Variants in PIEZO2 observed in about 807,000 individuals in gnomAD.
PIEZO2 encodes piezo-type mechanosensitive ion channel component 2.
A neutral mutation model predicts 337.3 loss-of-function variants in PIEZO2; 172 were observed. The ratio of observed to expected loss-of-function variants is 0.51; its 90% CI spans 0.45 to 0.58. The LOEUF is 0.58. PIEZO2 is among the 20% of genes least tolerant of loss of function. The pLI is 0.00. For missense variants in PIEZO2, 3,028 were observed against 3,391.3 expected, an observed-to-expected ratio of 0.89 and a Z score of 2.66; for synonymous variants, 1,251 against 1,228.5, an observed-to-expected ratio of 1.02 and a Z score of -0.38.
In PIEZO2 at chr18:10,877,622, G is replaced by A. The variant is rs927317323; in HGVS notation, c.330-6207C>T. Among the ~76,000 whole-genome samples, 4 of 152,068 alleles carry A rather than the reference G, an allele frequency of 2.6e-5. No homozygotes were observed. Among genetic ancestry groups the A allele is most frequent in the East Asian group, 3.9e-4 (2 of 5,184 alleles). On this transcript the variant is annotated intron_variant, in intron 4 of 55. Transcript: ENST00000674853. The surrounding 1 kb of genome is among the most constrained non-coding windows in gnomAD (Gnocchi z 5.3). ...ACTGGAGGAGATTCTGACTTCTAAC[G>A]TCTCCTTTCCCAGCCCTCCCCTTTA...
At position 10,677,843 on chromosome 18, in the gene PIEZO2, G is replaced by A. The variant is rs1347729976; in HGVS notation, c.7985C>T (p.Ala2662Val). The A allele has an allele frequency of 1.2e-6, 2 of 1,600,920 alleles. No homozygotes were observed. Among genetic ancestry groups the A allele is most frequent in the Non-Finnish European group, 1.7e-6 (2 of 1,176,916 alleles). Residue 2662 changes from alanine to valine, a missense_variant, in exon 53 of 56, where the codon GCA (alanine) becomes GTA (valine). Physicochemically the swap from Ala to Val is moderately conservative, Grantham distance 64 (BLOSUM62 0). Coordinates refer to ENST00000674853, the MANE Select transcript of PIEZO2 (RefSeq NM_001378183.1). This position sits in a 1 kb window ranked among gnomAD's most constrained non-coding sequence, Gnocchi z 4.1. ...AAGAGGAAAAGAAAGCTTATCTGTT[G>A]CTATTTCCGATTTTGCACCCAGACT... is the stretch of plus-strand genomic sequence containing the variant. ...NLSLGAKSEI[A>V]TDKLSFPLKN...
At chr18:10,921,527 A>G (rs942188207) in intron 3 of PIEZO2, among the ~76,000 whole-genome samples, 2 of 152,052 alleles carry the variant, frequency 1.3e-5, no homozygotes, top group African/African-American at 4.8e-5. Flanking sequence ...TCTTAATCCC[A>G]TCAGCTGAGG....
intron 47 of PIEZO2, among the ~76,000 whole-genome samples, chr18:10,693,356 TTG>T (rs1174582024): frequency 1.7e-3 from 157 of 89,852 alleles, no homozygotes; most frequent in Middle Eastern, 5.6e-3. Context: ...AATCTGGATT[TTG>T]TGTGTGTGTG....
chr18:10,745,155 G>A (rs1295692411), intron 30 of PIEZO2, among the ~76,000 whole-genome samples: 2 of 152,120 alleles, frequency 1.3e-5, no homozygotes, highest in South Asian at 2.1e-4. Context: ...TCCCACAGGC[G>A]TCTTGCCCTG....
At chr18:11,053,356 T>C (rs1427497118) in intron 2 of PIEZO2, among the ~76,000 whole-genome samples, 1 of 152,240 alleles carries the variant, frequency 6.6e-6, no homozygotes, top group Non-Finnish European at 1.5e-5. Flanking sequence ...TAGTAAAGAC[T>C]GGCTATAGTC....
In PIEZO2 at chr18:10,781,552, T is replaced by G. The variant is rs955310560; in HGVS notation, c.2493-1186A>C. Among the ~76,000 whole-genome samples, 1 of 152,000 alleles carries G rather than the reference T, an allele frequency of 6.6e-6. No individual in the cohort carries two copies. Among genetic ancestry groups the G allele is most frequent in the Non-Finnish European group, 1.5e-5 (1 of 68,020 alleles). ...ATTATATATTATATAATAAACAATGTTATACGTTATAATTCTTATAATATG... is the reference window on the plus strand; with the variant it reads ...ATTATATATTATATAATAAACAATGGTATACGTTATAATTCTTATAATATG... On this transcript the variant is annotated intron_variant, in intron 17 of 55. Transcript: ENST00000674853. The surrounding 1 kb of genome is among the most constrained non-coding windows in gnomAD (Gnocchi z 4.1).
In PIEZO2 at chr18:10,834,271, C is replaced by T. The variant is rs2040937645; in HGVS notation, c.917+21082G>A. Among the ~76,000 whole-genome samples the T allele has an allele frequency of 1.3e-5, 2 of 152,162 alleles. No individual in the cohort carries two copies. Among genetic ancestry groups the T allele is most frequent in the East Asian group, 1.9e-4 (1 of 5,188 alleles). Reference sequence around the variant, plus strand: ...GATTTGAATTCAAACTCTGGCTTTGCCATCTCTATCCTGTGACTTGGAGCA... The same window carrying T: ...GATTTGAATTCAAACTCTGGCTTTGTCATCTCTATCCTGTGACTTGGAGCA... On this transcript the variant is annotated intron_variant, in intron 7 of 55. Coordinates refer to ENST00000674853, the MANE Select transcript of PIEZO2 (RefSeq NM_001378183.1). The surrounding 1 kb of genome is among the most constrained non-coding windows in gnomAD (Gnocchi z 4.5).
rs1220283226 is a variant in PIEZO2 at position 10,952,796 on chromosome 18, C to T, written c.286+26739G>A. Among the ~76,000 whole-genome samples, 2 of 152,074 alleles carry T rather than the reference C, an allele frequency of 1.3e-5. No individual in the cohort carries two copies. The highest frequency in any genetic ancestry group is 6.6e-5 in the Admixed American group (1 of 15,262). ...CAAAGTGTCTATATAATTGTACATT[C>T]CCGCCAGAAATGTATTTGAATTCCA... On this transcript the variant is annotated intron_variant, in intron 3 of 55. Coordinates refer to ENST00000674853, the MANE Select transcript of PIEZO2 (RefSeq NM_001378183.1). This position sits in a 1 kb window ranked among gnomAD's most constrained non-coding sequence, Gnocchi z 4.1.
intron 3 of PIEZO2, among the ~76,000 whole-genome samples, chr18:10,933,815 C>T (rs2032224086): frequency 6.6e-6 from 1 of 152,194 alleles, no homozygotes; most frequent in Non-Finnish European, 1.5e-5. Flanking sequence ...TTCTCCCAAA[C>T]TGTTCTCATG....
chr18:10,817,232 C>T (rs2040389735), intron 7 of PIEZO2, among the ~76,000 whole-genome samples: 1 of 151,986 alleles, frequency 6.6e-6, no homozygotes, highest in Non-Finnish European at 1.5e-5. Context: ...TGAGAGTTCC[C>T]TTATAAAAAA....
At chr18:10,963,818 A>G (rs111261323) in intron 3 of PIEZO2, among the ~76,000 whole-genome samples, 44 of 152,336 alleles carry the variant, frequency 2.9e-4, no homozygotes, top group African/African-American at 1.0e-3. Context: ...TGCATTTTGA[A>G]GTCCTCCAAG....
intron 54 of PIEZO2, 83 bp downstream of exon 54, chr18:10,675,126 A>C (rs2143418459): frequency 8.3e-6 from 8 of 962,132 alleles, no homozygotes; most frequent in South Asian, 1.6e-5. Context: ...AAGTGGTTTC[A>C]TGAAGGTCCA....
rs1380895690 is a variant in PIEZO2 at position 10,750,650 on chromosome 18, T to C, written c.4168-463A>G. On this transcript the variant is annotated intron_variant, in intron 28 of 55. Coordinates refer to ENST00000674853, the MANE Select transcript of PIEZO2 (RefSeq NM_001378183.1). This position sits in a 1 kb window ranked among gnomAD's most constrained non-coding sequence, Gnocchi z 4.1. ...CAAAACAGAGTATGTGTTTTGAGTC[T>C]TGTTTGACCAATTCTCTCGGTAAAG... Among the ~76,000 whole-genome samples the C allele has an allele frequency of 6.6e-6, 1 of 152,254 alleles. No homozygotes were observed.
At chr18:10,691,923 C>T (rs544807881) in intron 47 of PIEZO2, among the ~76,000 whole-genome samples, 6 of 151,532 alleles carry the variant, frequency 4.0e-5, no homozygotes, top group African/African-American at 9.7e-5. Flanking sequence ...TCTGGAAACA[C>T]CTGGATTTGG....
In PIEZO2 at chr18:10,698,984, G is replaced by T; in HGVS notation, c.6635C>A (p.Ser2212Tyr). ...CTGGGATGGCTCGGAGCTGCTGCCG[G>T]AGCGCTTCCTCCGGACAGCTGTCTG... ...EQQTAVRRKR[S>Y]GSSSEPSQRS... The change falls in exon 44 of 56, where the codon TCC becomes TAC. Residue 2212 changes from serine to tyrosine, a missense_variant. Physicochemically the swap from Ser to Tyr is moderately radical, Grantham distance 144. Around this residue, in one of 5 missense-constraint regions of PIEZO2, gnomAD observed 1,925 missense variants for 2,051.9 expected, o/e 0.94. Coordinates refer to ENST00000674853, the MANE Select transcript of PIEZO2 (RefSeq NM_001378183.1). The T allele has an allele frequency of 6.5e-7, 1 of 1,536,932 alleles. No homozygotes were observed. Among genetic ancestry groups the T allele is most frequent in the South Asian group, 1.2e-5 (1 of 84,054 alleles).
intron 16 of PIEZO2, among the ~76,000 whole-genome samples, chr18:10,785,892 A>T (rs1303707760): frequency 6.6e-6 from 1 of 152,024 alleles, no homozygotes; most frequent in Non-Finnish European, 1.5e-5. Context: ...AAATACAAAT[A>T]ATGCTACCTA....
At position 10,940,777 on chromosome 18, in the gene PIEZO2, G is replaced by A. The variant is rs4592726; in HGVS notation, c.287-29549C>T. On this transcript the variant is annotated intron_variant, in intron 3 of 55. Coordinates refer to ENST00000674853, the MANE Select transcript of PIEZO2 (RefSeq NM_001378183.1). The surrounding 1 kb of genome is among the most constrained non-coding windows in gnomAD (Gnocchi z 5.3). ...CTGGGGAGGCTGAGGCAGAAGAATC[G>A]CTTGAACCCGGGAGGCAGAGGTTGC... Among the ~76,000 whole-genome samples, 3,869 of 152,104 alleles carry A rather than the reference G, an allele frequency of 0.025. 159 individuals carry two copies. Among genetic ancestry groups the A allele is most frequent in the African/African-American group, 0.086 (3,549 of 41,484 alleles).
chr18:10,829,752 A>T (rs1346936959), intron 7 of PIEZO2, among the ~76,000 whole-genome samples: 1 of 152,194 alleles, frequency 6.6e-6, no homozygotes. Context: ...AATGTGAAAG[A>T]TCTCTACAAT....
intron 20 of PIEZO2, among the ~76,000 whole-genome samples, chr18:10,770,576 C>G (rs1318140011): frequency 2.5e-4 from 1 of 4,030 alleles, no homozygotes; most frequent in Admixed American, 3.4e-3. Flanking sequence ...ACATTATCTT[C>G]CTTCCTTCCT....
Sources: gnomAD v4.1 joint callset for allele counts (sites outside exome capture counted in the v4.1 genomes callset) on GRCh38, gnomAD v4.1.1 for gene constraint, gnomAD v4.1.1 regional missense constraint, Gnocchi (gnomAD v3.1) non-coding constraint, MANE v1.5 for transcripts, NCBI Gene and HGNC (gene_info 2026-07-23, HGNC 2026-07-21) for gene names.